Variants in NBAS observed in about 807,000 individuals in gnomAD.
NBAS encodes NAG/BC035112 fusion.
In NBAS, 219 loss-of-function variants were observed where a neutral mutation model predicts 302.5. The observed-to-expected ratio is 0.72, with a 90% CI of 0.65 to 0.81. NBAS has a LOEUF of 0.81. NBAS is among the 30% of genes least tolerant of loss of function. The pLI is 0.00. For missense variants in NBAS, 2,932 were observed against 2,841.6 expected (o/e 1.03, Z -0.72); for synonymous variants, 1,118 against 1,021.6 (o/e 1.09, Z -1.80).
At chr2:15,228,990 AT>A (rs1235247709) in intron 47 of NBAS, among the ~76,000 whole-genome samples, 1 of 152,234 alleles carries the variant, frequency 6.6e-6, no homozygotes, top group Non-Finnish European at 1.5e-5. Context: ...CCACAAAGAA[AT>A]GATACATGTT....
At chr2:15,494,516 T>C (rs1170208152) in intron 11 of NBAS, among the ~76,000 whole-genome samples, 1 of 152,230 alleles carries the variant, frequency 6.6e-6, no homozygotes. Flanking sequence ...ACAACATGTC[T>C]CATTCATTTG....
At chr2:15,138,252 G>A in the NBAS span, among the ~76,000 whole-genome samples, 1 of 152,164 alleles carries the variant, frequency 6.6e-6, no homozygotes, top group African/African-American at 2.4e-5. Flanking sequence ...GGAGAAAAAA[G>A]CCCAGAAACT....
chr2:15,386,491 C>T (rs1675304474), intron 28 of NBAS, among the ~76,000 whole-genome samples: 1 of 152,154 alleles, frequency 6.6e-6, no homozygotes, highest in South Asian at 2.1e-4. Context: ...AGGATTAGTG[C>T]TTGGGGTGGC....
chr2:15,316,577 C>G (rs1044842930), intron 38 of NBAS, among the ~76,000 whole-genome samples: 6 of 152,266 alleles, frequency 3.9e-5, no homozygotes, highest in African/African-American at 1.4e-4. Context: ...ATTCTCTCAC[C>G]TGCCTGGCTC....
intron 3 of NBAS, among the ~76,000 whole-genome samples, chr2:15,554,423 C>T (rs1664547298): frequency 6.6e-6 from 1 of 151,770 alleles, no homozygotes; most frequent in Non-Finnish European, 1.5e-5. Context: ...GCAGAGTACA[C>T]TTATACCAAC....
intron 51 of NBAS, among the ~76,000 whole-genome samples, chr2:15,172,961 A>G (rs531453497): frequency 2.0e-5 from 3 of 152,314 alleles, no homozygotes; most frequent in Admixed American, 6.5e-5. Context: ...CACTGTCTGT[A>G]AGGGTTGGGA....
chr2:15,017,967 AG>A, the NBAS span, among the ~76,000 whole-genome samples: 1 of 152,140 alleles, frequency 6.6e-6, no homozygotes, highest in South Asian at 2.1e-4. Flanking sequence ...GCCATTAAAA[AG>A]AATGAAATTC....
chr2:15,026,954 T>C, the NBAS span, among the ~76,000 whole-genome samples: 1 of 152,182 alleles, frequency 6.6e-6, no homozygotes, highest in East Asian at 1.9e-4. Context: ...TTGTGTCTTA[T>C]TAATTTATTT....
At chr2:14,794,424 T>C in the NBAS span, among the ~76,000 whole-genome samples, 1 of 152,232 alleles carries the variant, frequency 6.6e-6, no homozygotes, top group African/African-American at 2.4e-5. Flanking sequence ...TAGTATATTA[T>C]TTTCTTTTCC....
Position 15,277,009 on chromosome 2 carries a change from A to G in NBAS, c.5231T>C (p.Val1744Ala). ...ACCAATAGTAGGGTAAATATACTTGACCATGTGCTGGTGAAAGGCTTCTGG... is the reference window on the plus strand; with the variant it reads ...ACCAATAGTAGGGTAAATATACTTGGCCATGTGCTGGTGAAAGGCTTCTGG... ...TDPEAFHQHM[V>A]KYIYPTIGGF... The change falls in exon 43 of 52, where the codon GTC (valine) becomes GCC (alanine). Residue 1744 changes from valine to alanine, a missense_variant. Transcript: ENST00000281513. The G allele has an allele frequency of 6.2e-7, 1 of 1,613,996 alleles. No individual in the cohort carries two copies. The highest frequency in any genetic ancestry group is 8.5e-7 in the Non-Finnish European group (1 of 1,179,964).
At chr2:15,305,994 A>C (rs1252454094) in intron 40 of NBAS, among the ~76,000 whole-genome samples, 2 of 152,248 alleles carry the variant, frequency 1.3e-5, no homozygotes, top group African/African-American at 4.8e-5. Flanking sequence ...TCAAGTTTAC[A>C]ATAAGGTACT....
chr2:15,403,654 G>T lies in NBAS; in HGVS notation c.2938-1353C>A, dbSNP rs556999142. ...ATCCATGGATTTTGGTAGCCTGGCG[G>T]CAGGAGGGCTTAAGAGGGGTACTAA... On this transcript the variant is annotated intron_variant, in intron 25 of 51. Transcript: ENST00000281513. Among the ~76,000 whole-genome samples, 14 of 152,164 alleles carry T rather than the reference G, an allele frequency of 9.2e-5. No homozygotes were observed. The East Asian group carries it at 2.7e-3, about 29-fold the overall frequency.
chr2:15,550,968 T>C (rs1296759372), intron 6 of NBAS, among the ~76,000 whole-genome samples: 1 of 152,170 alleles, frequency 6.6e-6, no homozygotes, highest in African/African-American at 2.4e-5. Flanking sequence ...AGAAATCTCA[T>C]GGGATTTAAT....
chr2:15,106,478 T>TCTCTCTCTCTCA, the NBAS span, among the ~76,000 whole-genome samples: 4 of 150,038 alleles, frequency 2.7e-5, no homozygotes, highest in Non-Finnish European at 5.9e-5. Context: ...TCTCTCTCTC[T>TCTCTCTCTCTCA]CACTCTCCAG....
chr2:14,860,266 A>G, the NBAS span, among the ~76,000 whole-genome samples: 103 of 152,282 alleles, frequency 6.8e-4, no homozygotes, highest in African/African-American at 2.3e-3. Context: ...TATAGAAAAC[A>G]TCATGGTGTT....
At chr2:15,037,876 AC>A in the NBAS span, among the ~76,000 whole-genome samples, 2 of 152,042 alleles carry the variant, frequency 1.3e-5, no homozygotes, top group African/African-American at 4.8e-5. Context: ...TTTCAGTCAT[AC>A]TATTTGGGAT....
the NBAS span, among the ~76,000 whole-genome samples, chr2:15,014,562 T>G: frequency 0.015 from 2,293 of 152,054 alleles, 48 homozygotes; most frequent in African/African-American, 0.043. Flanking sequence ...TATGAAAACT[T>G]AAAATTCCTC....
At chr2:15,494,076 G>GGTGAACT (rs1375150997) in intron 11 of NBAS, among the ~76,000 whole-genome samples, 1 of 152,028 alleles carries the variant, frequency 6.6e-6, no homozygotes, top group Non-Finnish European at 1.5e-5. Context: ...TGCCTACTTA[G>GGTGAACT]GCCTCCCAAA....
the NBAS span, among the ~76,000 whole-genome samples, chr2:14,789,831 A>G: frequency 6.6e-6 from 1 of 152,216 alleles, no homozygotes; most frequent in African/African-American, 2.4e-5. Flanking sequence ...TCATCTTTGT[A>G]TCTCCAGTAC....
Sources: allele counts gnomAD v4.1 joint callset (sites outside exome capture counted in the v4.1 genomes callset), GRCh38; gene constraint gnomAD v4.1.1; transcripts MANE v1.5; gene names NCBI Gene and HGNC (gene_info 2026-07-23, HGNC 2026-07-21).